GLDC: variants seen among roughly 807,000 people sequenced by gnomAD.
The protein encoded by GLDC is glycine dehydrogenase (decarboxylating), mitochondrial.
Under a neutral mutation model 121.3 loss-of-function variants are expected in GLDC, and 104 were observed. That is an observed-to-expected ratio of 0.86 (90% CI 0.73 to 1.01). GLDC has a LOEUF of 1.01. Among genes scored for constraint, GLDC ranks in the 50% least tolerant of loss-of-function variants. The pLI is 0.00. For synonymous variants in GLDC, 546 were observed against 480.6 expected (o/e 1.14, Z -1.78); for missense variants, 1,429 against 1,306.6 (o/e 1.09, Z -1.44).
chr9:6,626,591 A>G (rs1033569077), intron 2 of GLDC, among the ~76,000 whole-genome samples: 3 of 152,194 alleles, frequency 2.0e-5, no homozygotes, highest in East Asian at 3.9e-4. Context: ...CAAGTGTTTC[A>G]TTCAAATGTG....
chr9:6,566,491 T>A (rs1202712202), intron 15 of GLDC: 1 of 152,220 alleles, frequency 6.6e-6, no homozygotes, highest in African/African-American at 2.4e-5. Flanking sequence ...TGTGACACCA[T>A]TCCTGGCAGT....
In GLDC at chr9:6,556,306, T is replaced by C. The variant is rs763579283; in HGVS notation, c.2053-4A>G. On this transcript the variant is annotated splice_polypyrimidine_tract_variant and splice_region_variant and intron_variant, in intron 17 of 24. Transcript: ENST00000321612. ...GGTTCTCCTTGTGCTTATCCACCTG[T>C]GAAAGAAAAGGGGTAGAGAAGGACA... is the stretch of plus-strand genomic sequence containing the variant. The C allele has an allele frequency of 1.2e-6, 2 of 1,612,956 alleles. No individual in the cohort carries two copies. Among genetic ancestry groups the C allele is most frequent in the Non-Finnish European group, 1.7e-6 (2 of 1,178,914 alleles).
chr9:6,540,463 T>A, intron 21 of GLDC: 1 of 367,588 alleles, frequency 2.7e-6, no homozygotes, highest in Non-Finnish European at 5.1e-6. Flanking sequence ...GATGAGATTA[T>A]TTCTATTCTG....
At position 6,605,296 on chromosome 9, in the gene GLDC, A is replaced by G. The variant is rs780166279; in HGVS notation, c.714-18T>C. ...CAGTATATCTGGAAAGACAGACAACAAAGAACAATCGTGCTTTCGGTTTAT... is the reference window on the plus strand; with the variant it reads ...CAGTATATCTGGAAAGACAGACAACGAAGAACAATCGTGCTTTCGGTTTAT... On this transcript the variant is annotated intron_variant, in intron 5 of 24. Transcript: ENST00000321612. 3 of 1,613,014 alleles carry G rather than the reference A, an allele frequency of 1.9e-6. No homozygotes were observed. The highest frequency in any genetic ancestry group is 2.7e-5 in the African/African-American group (2 of 74,890).
At chr9:6,553,311 C>G in intron 20 of GLDC, 57 bp downstream of exon 20, 1 of 1,500,586 alleles carries the variant, frequency 6.7e-7, no homozygotes, top group Non-Finnish European at 9.3e-7. Context: ...ATCCGGTCCC[C>G]ATGCATGCCT....
At chr9:6,541,025 G>A (rs759451743) in intron 21 of GLDC, 5 of 152,194 alleles carry the variant, frequency 3.3e-5, no homozygotes, top group Non-Finnish European at 7.3e-5. Flanking sequence ...CTGGGAAGTC[G>A]AGGCTGCAGT....
chr9:6,611,542 C>A (rs1391205479), intron 3 of GLDC, among the ~76,000 whole-genome samples: 1 of 130,682 alleles, frequency 7.7e-6, no homozygotes, highest in Non-Finnish European at 1.6e-5. Flanking sequence ...GGCAACAGAG[C>A]AAGACTCCGT....
chr9:6,580,342 G>T (rs1028443226), intron 15 of GLDC, among the ~76,000 whole-genome samples: 2 of 152,150 alleles, frequency 1.3e-5, no homozygotes, highest in East Asian at 1.9e-4. Context: ...CATGTAGTCT[G>T]GGAATGTGCA....
intron 16 of GLDC, among the ~76,000 whole-genome samples, chr9:6,564,247 C>CA (rs755108263): frequency 0.032 from 3,691 of 114,972 alleles, 65 homozygotes; most frequent in African/African-American, 0.071. Context: ...GACTCCATCT[C>CA]AAAAAAAAAA....
intron 2 of GLDC, chr9:6,639,238 A>G (rs553853340): frequency 2.2e-6 from 2 of 923,460 alleles, no homozygotes; most frequent in East Asian, 2.4e-5. Context: ...AAAGGTGTCC[A>G]CAGCCACAAA....
At chr9:6,589,663 G>A (rs1476284001) in intron 11 of GLDC, among the ~76,000 whole-genome samples, 1 of 152,136 alleles carries the variant, frequency 6.6e-6, no homozygotes, top group Non-Finnish European at 1.5e-5. Context: ...CTGGGCTCAA[G>A]CAATCTGCCT....
At chr9:6,643,381 A>T (rs1045710421) in intron 2 of GLDC, among the ~76,000 whole-genome samples, 3 of 150,828 alleles carry the variant, frequency 2.0e-5, no homozygotes, top group African/African-American at 4.9e-5. Context: ...CCATACCTCA[A>T]ATGTCCACCT....
At chr9:6,616,157 T>C (rs7873244) in intron 3 of GLDC, among the ~76,000 whole-genome samples, 2,258 of 152,332 alleles carry the variant, frequency 0.015, 63 homozygotes, top group African/African-American at 0.051. Flanking sequence ...TTTTTCGTTT[T>C]CATCTTTAAA....
intron 5 of GLDC, chr9:6,606,037 G>C (rs1818723418): frequency 6.3e-6 from 1 of 157,822 alleles, no homozygotes; most frequent in African/African-American, 2.4e-5. Context: ...GCCGGGCGCA[G>C]TGGCTCAAGC....
In GLDC at chr9:6,558,668, T is replaced by G. The variant is rs1199541935; in HGVS notation, c.1943A>C (p.Lys648Thr). Residue 648 changes from lysine to threonine, a missense_variant, in exon 17 of 25, where the codon AAA (lysine) becomes ACA (threonine). By Grantham distance (78) the Lys-to-Thr change is moderately conservative (BLOSUM62 -1). Coordinates refer to ENST00000321612, the MANE Select transcript of GLDC (RefSeq NM_000170.3). ...EGHRTVCLIP[K>T]SAHGTNPASA... ...TGCTGGGTTGGTCCCATGTGCTGAT[T>G]TCGGAATGAGGCAAACCTACAGAAT... is the stretch of plus-strand genomic sequence containing the variant. The G allele has an allele frequency of 6.2e-7, 1 of 1,614,112 alleles. No individual in the cohort carries two copies.
Position 6,589,284 on chromosome 9 carries a change from A to G in GLDC, c.1491T>C (p.Val497=), listed in dbSNP as rs143851780. ...TGCACTCCTCTCCCATGCTTTCAGC[A>G]ACCAGTTCCTGAAGGAGAAACACAG... ...IFGCESSAEL[V]AESMGEECRG... Residue 497 remains valine, a synonymous_variant, in exon 12 of 25, where the codon GTT becomes GTC. Coordinates refer to ENST00000321612, the MANE Select transcript of GLDC (RefSeq NM_000170.3). The G allele has an allele frequency of 6.2e-7, 1 of 1,602,834 alleles. No homozygotes were observed. The highest frequency in any genetic ancestry group is 1.3e-5 in the African/African-American group (1 of 74,712).
intron 8 of GLDC, 29 bp from the exon 9 acceptor site, chr9:6,595,148 C>T (rs781098223): frequency 1.2e-5 from 17 of 1,412,472 alleles, no homozygotes; most frequent in African/African-American, 2.8e-5. Context: ...TAAAGAATCA[C>T]GTGATGGAGG....
At chr9:6,629,943 A>ATG (rs897038219) in intron 2 of GLDC, among the ~76,000 whole-genome samples, 1,320 of 79,834 alleles carry the variant, frequency 0.017, 36 homozygotes, top group East Asian at 0.11. Context: ...ATATATATAT[A>ATG]TGTATATATA....
intron 5 of GLDC, chr9:6,605,504 C>A: frequency 1.7e-6 from 1 of 584,364 alleles, no homozygotes; most frequent in South Asian, 1.8e-5. Context: ...CCTCTGACTC[C>A]CCTTTGCCCT....
Sources: gnomAD v4.1 joint callset for allele counts (sites outside exome capture counted in the v4.1 genomes callset) on GRCh38, gnomAD v4.1.1 for gene constraint, MANE v1.5 for transcripts, NCBI Gene and HGNC (gene_info 2026-07-23, HGNC 2026-07-21) for gene names.